The following MCPH1 variants were observed in gnomAD, a reference collection of about 807,000 sequenced individuals.
MCPH1 encodes the protein microcephalin.
In MCPH1, 104 loss-of-function variants were observed where a neutral mutation model predicts 84.5. That is an observed-to-expected ratio of 1.23 (90% CI 1.05 to 1.45). The LOEUF (loss-of-function observed/expected upper bound fraction) is 1.45, where lower values mean the gene tolerates loss of function less well. MCPH1 is among the 40% of genes most tolerant of loss of function. The probability of loss-of-function intolerance (pLI) is 0.00; values close to 1 mark genes in which losing one functional copy is unlikely to be tolerated. For synonymous variants in MCPH1, 514 were observed against 366.8 expected (o/e 1.40, Z -4.58); for missense variants, 1,498 against 1,005.7 (o/e 1.49, Z -6.62).
At position 6,420,537 on chromosome 8, in the gene MCPH1, G is replaced by A. The variant is rs147936322; in HGVS notation, c.233+5654G>A. Among the ~76,000 whole-genome samples, 31 of 152,008 alleles carry A rather than the reference G, an allele frequency of 2.0e-4. No homozygotes were observed. The East Asian group carries it at 5.8e-3, about 28-fold the overall frequency. ...TTTTATTTTCTGCTTTTTTTTCGGG[G>A]AGGGAATGGGGTAAGACTCAGTATC... On this transcript the variant is annotated intron_variant, in intron 3 of 13. Transcript: ENST00000344683.
At chr8:6,482,157 C>G (rs967159338) in intron 11 of MCPH1, among the ~76,000 whole-genome samples, 2 of 152,142 alleles carry the variant, frequency 1.3e-5, no homozygotes, top group African/African-American at 4.8e-5. Flanking sequence ...GTTCCCCAAG[C>G]ACAAGAGTAT....
At chr8:6,535,335 T>G (rs1039986760) in intron 12 of MCPH1, among the ~76,000 whole-genome samples, 1 of 152,198 alleles carries the variant, frequency 6.6e-6, no homozygotes, top group Non-Finnish European at 1.5e-5. Context: ...AATTTGAAAT[T>G]AAACTTAGGA....
At chr8:6,496,644 G>C (rs1811265632) in intron 11 of MCPH1, among the ~76,000 whole-genome samples, 1 of 152,000 alleles carries the variant, frequency 6.6e-6, no homozygotes, top group African/African-American at 2.4e-5. Context: ...GGTATGCTTG[G>C]ATAAGGCTGG....
rs745348836 is a variant in MCPH1 at position 6,444,696 on chromosome 8, C to G, written c.974C>G (p.Thr325Arg). 7 of 1,613,924 alleles carry G rather than the reference C, an allele frequency of 4.3e-6. No individual in the cohort carries two copies. The East Asian group carries it at 1.6e-4, about 36-fold the overall frequency. ...QKQAAGMSQE[T>R]FEEKYRLSPT... Reference sequence around the variant, plus strand: ...CAGGCTGCAGGTATGTCTCAGGAGACGTTTGAAGAGAAGTATCGTTTGTCT... The same window carrying G: ...CAGGCTGCAGGTATGTCTCAGGAGAGGTTTGAAGAGAAGTATCGTTTGTCT... The change falls in exon 8 of 14, where the codon ACG (threonine) becomes AGG (arginine). Residue 325 changes from threonine to arginine, a missense_variant. Transcript: ENST00000344683.
chr8:6,411,962 T>C (rs987849483), intron 2 of MCPH1, among the ~76,000 whole-genome samples: 2 of 152,050 alleles, frequency 1.3e-5, no homozygotes, highest in African/African-American at 4.8e-5. Flanking sequence ...ACTGATAGGC[T>C]GAGTGAAAGA....
intron 12 of MCPH1, among the ~76,000 whole-genome samples, chr8:6,582,244 C>A (rs1456662958): frequency 6.6e-6 from 1 of 152,234 alleles, no homozygotes; most frequent in Non-Finnish European, 1.5e-5. Context: ...TTACGCCTTG[C>A]ATACACAAAG....
chr8:6,468,678 A>C (rs1383699626), intron 9 of MCPH1, among the ~76,000 whole-genome samples: 3 of 151,738 alleles, frequency 2.0e-5, no homozygotes, highest in African/African-American at 7.3e-5. Flanking sequence ...AAAATTAGAA[A>C]AAATATTTAT....
chr8:6,558,020 C>G (rs528847739), intron 12 of MCPH1, among the ~76,000 whole-genome samples: 83 of 152,304 alleles, frequency 5.4e-4, no homozygotes, highest in Admixed American at 2.4e-3. Context: ...TCTGTCTCTC[C>G]TGCCCCTGCC....
At chr8:6,407,789 C>T (rs1017809137) in intron 1 of MCPH1, among the ~76,000 whole-genome samples, 1 of 152,180 alleles carries the variant, frequency 6.6e-6, no homozygotes, top group African/African-American at 2.4e-5. Flanking sequence ...GAACAGGGGT[C>T]CACTCACTAT....
At chr8:6,534,410 C>T (rs1286246914) in intron 12 of MCPH1, among the ~76,000 whole-genome samples, 3 of 152,028 alleles carry the variant, frequency 2.0e-5, no homozygotes, top group Non-Finnish European at 2.9e-5. Context: ...TTGGTATTCT[C>T]GGGAATCTTG....
chr8:6,428,809 G>T (rs1348194802), intron 3 of MCPH1, among the ~76,000 whole-genome samples: 2 of 152,164 alleles, frequency 1.3e-5, no homozygotes, highest in East Asian at 1.9e-4. Flanking sequence ...GAAAAACAAT[G>T]GTCTCTTTCT....
At chr8:6,512,374 C>T (rs150872382) in intron 12 of MCPH1, among the ~76,000 whole-genome samples, 14 of 152,238 alleles carry the variant, frequency 9.2e-5, no homozygotes, top group African/African-American at 3.4e-4. Flanking sequence ...GGTCGTGGAG[C>T]GGAGTGTCTG....
At chr8:6,464,946 C>T (rs1302707747) in intron 9 of MCPH1, among the ~76,000 whole-genome samples, 5 of 151,846 alleles carry the variant, frequency 3.3e-5, no homozygotes, top group Admixed American at 2.0e-4. Flanking sequence ...TTGCAGTGAG[C>T]CAAGATCATG....
intron 12 of MCPH1, among the ~76,000 whole-genome samples, chr8:6,609,570 T>C (rs766612239): frequency 6.6e-6 from 1 of 152,200 alleles, no homozygotes; most frequent in Non-Finnish European, 1.5e-5. Context: ...AAAAATACAT[T>C]CCGCCTTCCT....
chr8:6,530,024 T>A (rs1819163829), intron 12 of MCPH1, among the ~76,000 whole-genome samples: 1 of 152,086 alleles, frequency 6.6e-6, no homozygotes, highest in Non-Finnish European at 1.5e-5. Flanking sequence ...TTTTTTTAAA[T>A]TTTTGCCAAG....
At position 6,444,754 on chromosome 8, in the gene MCPH1, G is replaced by A. The variant is rs779482400; in HGVS notation, c.1032G>A (p.Leu344=). 26 of 1,614,088 alleles carry A rather than the reference G, an allele frequency of 1.6e-5. No individual in the cohort carries two copies. Among genetic ancestry groups the A allele is most frequent in the Non-Finnish European group, 2.2e-5 (26 of 1,179,992 alleles). Residue 344 remains leucine, a synonymous_variant, in exon 8 of 14, where the codon TTG becomes TTA. Coordinates refer to ENST00000344683, the MANE Select transcript of MCPH1 (RefSeq NM_024596.5). The part of the protein sequence containing the change: ...PTLSSTKGHL[L]IHSRPRSSSV... ...TATCTTCAACAAAAGGCCACCTTTT[G>A]ATACATTCAAGACCCAGGAGTTCCT...
At chr8:6,589,471 T>G (rs1828270399) in intron 12 of MCPH1, among the ~76,000 whole-genome samples, 3 of 152,284 alleles carry the variant, frequency 2.0e-5, no homozygotes, top group South Asian at 4.1e-4. Context: ...CTTTCTGACA[T>G]CAGCGTGCAT....
intron 12 of MCPH1, among the ~76,000 whole-genome samples, chr8:6,547,036 C>T (rs185464317): frequency 3.3e-5 from 5 of 152,262 alleles, no homozygotes; most frequent in Admixed American, 3.3e-4. Context: ...CTCAGAGCAA[C>T]ATGCACGTGT....
intron 12 of MCPH1, among the ~76,000 whole-genome samples, chr8:6,598,406 C>T (rs1490320258): frequency 6.6e-6 from 1 of 152,154 alleles, no homozygotes; most frequent in Non-Finnish European, 1.5e-5. Flanking sequence ...CGGCGACCGG[C>T]CAGAGTGCAG....
Sources: allele counts gnomAD v4.1 joint callset (sites outside exome capture counted in the v4.1 genomes callset), GRCh38; gene constraint gnomAD v4.1.1; transcripts MANE v1.5; gene names NCBI Gene and HGNC (gene_info 2026-07-23, HGNC 2026-07-21).